Variants in CD300LG observed in about 807,000 individuals in gnomAD.
CD300LG encodes the protein CD300 molecule like family member g, also known as CMRF35-like molecule 9.
A neutral mutation model predicts 31.5 loss-of-function variants in CD300LG; 29 were observed. The ratio of observed to expected loss-of-function variants is 0.92; its 90% CI spans 0.68 to 1.25. CD300LG has a LOEUF of 1.25. CD300LG is among the 50% of genes most tolerant of loss of function. CD300LG has a pLI of 0.00. For synonymous variants in CD300LG, 175 were observed against 177.2 expected (o/e 0.99, Z 0.10); for missense variants, 396 against 417.6 (o/e 0.95, Z 0.45).
rs989212482 is a variant in CD300LG at position 43,852,109 on chromosome 17, G to A, written c.380-803G>A. Among the ~76,000 whole-genome samples, 13 of 152,284 alleles carry A rather than the reference G, an allele frequency of 8.5e-5. No individual in the cohort carries two copies. In the East Asian group the frequency reaches 1.2e-3, roughly 14 times the overall value. Reference sequence around the variant, plus strand: ...AGGTGGGCAGGAGGCTGGTTTAGTCGGGAATAGAGGATGACTCTATGGCTG... The same window carrying A: ...AGGTGGGCAGGAGGCTGGTTTAGTCAGGAATAGAGGATGACTCTATGGCTG... On this transcript the variant is annotated intron_variant, in intron 2 of 6. Coordinates refer to ENST00000317310, the MANE Select transcript of CD300LG (RefSeq NM_145273.4).
At chr17:43,851,889 A>T (rs1394376466) in intron 2 of CD300LG, among the ~76,000 whole-genome samples, 1 of 151,976 alleles carries the variant, frequency 6.6e-6, no homozygotes, top group African/African-American at 2.4e-5. Context: ...TTGCAGTGTA[A>T]GTGAGCATTA....
intron 2 of CD300LG, among the ~76,000 whole-genome samples, chr17:43,851,508 G>GA (rs1004427422): frequency 6.6e-6 from 1 of 152,162 alleles, no homozygotes; most frequent in African/African-American, 2.4e-5. Context: ...AAGAGGGAGA[G>GA]TCCAGGATGG....
chr17:43,849,033 G>C (rs2046272120), intron 2 of CD300LG, 140 bp downstream of exon 2: 3 of 771,568 alleles, frequency 3.9e-6, no homozygotes, highest in Non-Finnish European at 6.2e-6. Flanking sequence ...ACCGAGCAAG[G>C]CTTGGGGCAC....
chr17:43,856,383 C>T (rs2143386547), intron 5 of CD300LG, among the ~76,000 whole-genome samples: 1 of 152,372 alleles, frequency 6.6e-6, no homozygotes, highest in African/African-American at 2.4e-5. Context: ...CTATCCCCAG[C>T]TTATCTTGCT....
At position 43,855,212 on chromosome 17, in the gene CD300LG, C is replaced by A; in HGVS notation, c.725C>A (p.Ser242Tyr). ...TCCTTGCGTCTCGTCTCCAGGGTGT[C>A]CATCCCGATGGTCCGCATACTGGCC... ...LSSGSSKPRV[S>Y]IPMVRILAPV... The change falls in exon 5 of 7, where the codon TCC becomes TAC. Residue 242 changes from serine (S) to tyrosine (Y), a missense_variant. Coordinates refer to ENST00000317310, the MANE Select transcript of CD300LG (RefSeq NM_145273.4). The A allele has an allele frequency of 6.2e-7, 1 of 1,603,804 alleles. No individual in the cohort carries two copies. The highest frequency in any genetic ancestry group is 1.7e-5 in the Admixed American group (1 of 58,518).
At chr17:43,857,025 C>A in intron 5 of CD300LG, 79 bp from the exon 6 acceptor site, 1 of 1,456,678 alleles carries the variant, frequency 6.9e-7, no homozygotes. Context: ...GGGGGCCAGT[C>A]CACCTTTCTG....
intron 5 of CD300LG, chr17:43,855,714 C>A (rs1323317147): frequency 6.4e-6 from 1 of 156,244 alleles, no homozygotes; most frequent in East Asian, 1.8e-4. Context: ...GTCTCTAGAG[C>A]TGCTCAGCCC....
In CD300LG at chr17:43,862,105, G is replaced by A; in HGVS notation, c.*194G>A. 2.2e-6 allele frequency: 1 copy of A among 462,454 alleles called. No homozygotes were observed. Among genetic ancestry groups the A allele is most frequent in the Non-Finnish European group, 3.8e-6 (1 of 261,476 alleles). 28.6% of individuals were successfully genotyped at this position (462,454 alleles called of 1,614,324 possible). A position where few individuals can be genotyped will look rare whatever the true frequency, so the allele number is the denominator to read the frequency against. On this transcript the variant is annotated 3_prime_UTR_variant, in exon 7 of 7. Transcript: ENST00000317310. ...GCGTTTGTCAGCCCTGGAGCCCAGA[G>A]CGGTGGCCTTGCTCTTCCGGCTGGA...
intron 2 of CD300LG, among the ~76,000 whole-genome samples, chr17:43,851,146 A>AG: frequency 6.6e-6 from 1 of 151,152 alleles, no homozygotes; most frequent in East Asian, 1.9e-4. Context: ...AAAAAAAAAA[A>AG]AAAAAAAAAA....
At chr17:43,861,709 G>A in intron 6 of CD300LG, 89 bp from the exon 7 acceptor site, 1 of 779,684 alleles carries the variant, frequency 1.3e-6, no homozygotes, top group Non-Finnish European at 2.0e-6. Context: ...AAGGCTGGGT[G>A]GACGCAGCAG....
chr17:43,855,316 G>T lies in CD300LG; in HGVS notation c.829G>T (p.Glu277Ter). The T allele has an allele frequency of 6.4e-7, 1 of 1,570,620 alleles. No homozygotes were observed. The stretch of plus-strand genomic sequence containing the variant: ...CAGCCACCTGCTCCTGTGGAGAAAG[G>T]AAGGTGAGCAAAGGTGGGCGGCAGG... Reference protein sequence around the residue: ...FCSHLLLWRKEAQQATETQRN... With the variant: ...FCSHLLLWRK The change falls in exon 5 of 7, where the codon GAA (glutamate) becomes TAA (stop). Residue 277 changes from glutamate (E) to a stop codon, truncating the protein, a stop_gained. Coordinates refer to ENST00000317310, the MANE Select transcript of CD300LG (RefSeq NM_145273.4). LOFTEE classifies it high-confidence loss of function.
chr17:43,847,381 GA>G, intron 1 of CD300LG, 122 bp downstream of exon 1: 2 of 908,128 alleles, frequency 2.2e-6, no homozygotes, highest in Non-Finnish European at 3.1e-6. Flanking sequence ...AGCCCTAGGG[GA>G]GCGGGGCGGG....
At chr17:43,847,282 G>A (rs759558942) in intron 1 of CD300LG, 23 bp downstream of exon 1, 21 of 1,613,202 alleles carry the variant, frequency 1.3e-5, no homozygotes, top group Non-Finnish European at 1.8e-5. Context: ...GAGGGTCTCG[G>A]GAGGGATGTG....
chr17:43,857,605 C>T (rs2046562269), intron 6 of CD300LG: 1 of 1,149,304 alleles, frequency 8.7e-7, no homozygotes, highest in Non-Finnish European at 1.3e-6. Context: ...GGCCCCAGAC[C>T]CAGCTGAACC....
chr17:43,859,397 A>G (rs2046607306), intron 6 of CD300LG, among the ~76,000 whole-genome samples: 1 of 152,172 alleles, frequency 6.6e-6, no homozygotes, highest in African/African-American at 2.4e-5. Context: ...AAATGCCTCC[A>G]TGCTTGCTGG....
intron 6 of CD300LG, chr17:43,857,362 C>T (rs1287815663): frequency 6.5e-7 from 1 of 1,527,852 alleles, no homozygotes; most frequent in Non-Finnish European, 8.8e-7. Flanking sequence ...ATGGGGGACT[C>T]ACAGGTGGGA....
At chr17:43,858,516 C>T (rs2046588103) in intron 6 of CD300LG, 1 of 985,432 alleles carries the variant, frequency 1.0e-6, no homozygotes, top group African/African-American at 1.7e-5. Flanking sequence ...GACCCTGGCT[C>T]TGCTGAAGAG....
chr17:43,852,023 T>G (rs2046373879), intron 2 of CD300LG, among the ~76,000 whole-genome samples: 1 of 152,006 alleles, frequency 6.6e-6, no homozygotes, highest in African/African-American at 2.4e-5. Context: ...AAAGAAGTGC[T>G]TTAGGCAGAG....
Position 43,847,278 on chromosome 17 carries a change from C to T in CD300LG, c.43+19C>T. The T allele has an allele frequency of 6.2e-7, 1 of 1,613,284 alleles. No homozygotes were observed. Among genetic ancestry groups the T allele is most frequent in the Non-Finnish European group, 8.5e-7 (1 of 1,179,628 alleles). On this transcript the variant is annotated intron_variant, in intron 1 of 6. Coordinates refer to ENST00000317310, the MANE Select transcript of CD300LG (RefSeq NM_145273.4). ...CTCCCAGGTGAGATGGGGAGAGGGT[C>T]TCGGGAGGGATGTGGGGCTCACCCT...
Sources: allele counts gnomAD v4.1 joint callset (sites outside exome capture counted in the v4.1 genomes callset), GRCh38; gene constraint gnomAD v4.1.1; transcripts MANE v1.5; gene names NCBI Gene and HGNC (gene_info 2026-07-23, HGNC 2026-07-21).